PRMT7: variants seen among roughly 807,000 people sequenced by gnomAD.
PRMT7 encodes the protein protein arginine methyltransferase 7.
PRMT7 carries 75 observed loss-of-function variants against 85.4 expected under a neutral mutation model. That is an observed-to-expected ratio of 0.88 (90% CI 0.73 to 1.06). The LOEUF (loss-of-function observed/expected upper bound fraction) is 1.06, where lower values mean the gene tolerates loss of function less well. Ranked by LOEUF, PRMT7 falls within the 50% of genes least tolerant of loss-of-function variation. The probability of loss-of-function intolerance (pLI) is 0.00; values close to 1 mark genes in which losing one functional copy is unlikely to be tolerated. For missense variants in PRMT7, 868 were observed against 915.2 expected, an observed-to-expected ratio of 0.95 and a Z score of 0.67; for synonymous variants, 397 against 359.5, an observed-to-expected ratio of 1.10 and a Z score of -1.18.
At chr16:68,311,136 T>C in intron 1 of PRMT7, 37 bp downstream of exon 1, 1 of 667,296 alleles carries the variant, frequency 1.5e-6, no homozygotes, top group Non-Finnish European at 2.7e-6. Context: ...TGGGGTCGCT[T>C]TGGGGTTCTG....
chr16:68,347,645 G>A lies in PRMT7; in HGVS notation c.1290G>A (p.Glu430=). ...GTTCCCTCTAGGTGTTTACAGTCGAGAGTTCAGCAGCTTCTCACAAACTGT... is the reference window on the plus strand; with the variant it reads ...GTTCCCTCTAGGTGTTTACAGTCGAAAGTTCAGCAGCTTCTCACAAACTGT... The part of the protein sequence containing the change: ...HLGVEQVFTV[E]SSAASHKLLR... Residue 430 remains glutamate, a synonymous_variant, in exon 13 of 19, where the codon GAG becomes GAA. Coordinates refer to ENST00000441236, the MANE Select transcript of PRMT7 (RefSeq NM_019023.5). 6.2e-7 allele frequency: 1 copy of A among 1,613,954 alleles called. No individual in the cohort carries two copies. Among genetic ancestry groups the A allele is most frequent in the Non-Finnish European group, 8.5e-7 (1 of 1,179,844 alleles).
intron 1 of PRMT7, chr16:68,311,329 T>A (rs1187365607): frequency 3.2e-6 from 1 of 310,410 alleles, no homozygotes; most frequent in Non-Finnish European, 6.2e-6. Flanking sequence ...TCTGTCGCAG[T>A]ACTCGTGCCT....
chr16:68,337,444 T>G lies in PRMT7; in HGVS notation c.392-15T>G. On this transcript the variant is annotated splice_polypyrimidine_tract_variant and intron_variant, in intron 6 of 18. Coordinates refer to ENST00000441236, the MANE Select transcript of PRMT7 (RefSeq NM_019023.5). The stretch of plus-strand genomic sequence containing the variant: ...CTGTTGCTTATGTCCAACTCTGTTT[T>G]CTTGTGTTTTTCAGAGGGTGACATG... 1 of 1,582,698 alleles carries G rather than the reference T, an allele frequency of 6.3e-7. No individual in the cohort carries two copies. Among genetic ancestry groups the G allele is most frequent in the Non-Finnish European group, 8.6e-7 (1 of 1,157,098 alleles).
chr16:68,314,792 C>T (rs887908168), intron 2 of PRMT7, among the ~76,000 whole-genome samples: 9 of 152,162 alleles, frequency 5.9e-5, no homozygotes, highest in East Asian at 1.9e-4. Flanking sequence ...AGACTTTGAG[C>T]GGTGGTGTTT....
At chr16:68,314,709 G>C (rs2044449817) in intron 2 of PRMT7, among the ~76,000 whole-genome samples, 1 of 152,196 alleles carries the variant, frequency 6.6e-6, no homozygotes, top group South Asian at 2.1e-4. Context: ...GGGCAGTGTA[G>C]AACACCTATT....
intron 3 of PRMT7, among the ~76,000 whole-genome samples, chr16:68,320,015 GC>G (rs2082310820): frequency 6.6e-6 from 1 of 152,164 alleles, no homozygotes; most frequent in African/African-American, 2.4e-5. Flanking sequence ...AAGTGAACGT[GC>G]CCAGTGGGGT....
At chr16:68,324,871 A>G (rs1208857677) in intron 5 of PRMT7, 39 bp downstream of exon 5, 12 of 1,610,262 alleles carry the variant, frequency 7.5e-6, no homozygotes, top group Non-Finnish European at 8.5e-6. Flanking sequence ...TGCATCTTGC[A>G]TGGGAAATCC....
chr16:68,331,560 TG>T (rs1283933736), intron 6 of PRMT7, among the ~76,000 whole-genome samples: 2 of 151,516 alleles, frequency 1.3e-5, no homozygotes, highest in Non-Finnish European at 2.9e-5. Context: ...TTTGACCTCC[TG>T]GGCTCAAGCA....
At chr16:68,349,572 T>C (rs2086964435) in intron 14 of PRMT7, among the ~76,000 whole-genome samples, 1 of 152,118 alleles carries the variant, frequency 6.6e-6, no homozygotes, top group African/African-American at 2.4e-5. Context: ...AGTAAATATA[T>C]GGAGTTAGCC....
At position 68,357,044 on chromosome 16, in the gene PRMT7, C is replaced by G. The variant is rs901467067; in HGVS notation, c.1909-10C>G. On this transcript the variant is annotated splice_polypyrimidine_tract_variant and intron_variant, in intron 18 of 18. Transcript: ENST00000441236. ...GAGCCCTCACCATCTTCCTGCTCTT[C>G]TTCCTACAGGGGGGCTGCTGCTGGA... The G allele has an allele frequency of 2.5e-6, 4 of 1,597,198 alleles. No individual in the cohort carries two copies. Among genetic ancestry groups the G allele is most frequent in the Non-Finnish European group, 3.4e-6 (4 of 1,170,910 alleles).
rs1362186084 is a variant in PRMT7 at position 68,311,056 on chromosome 16, A to G, written c.-262A>G. 8.1e-6 allele frequency: 7 copies of G among 861,722 alleles called. No individual in the cohort carries two copies. Among genetic ancestry groups the G allele is most frequent in the Admixed American group, 2.0e-5 (1 of 49,756 alleles). The allele number at this position is 861,722 out of a possible 1,614,324, so 53.4% of individuals were successfully genotyped here. ...TCCCGCCCCGCGTGCTGGCCGCGGT[A>G]AAAGTGGTAGCAGCGGAGGCGAGCG... On this transcript the variant is annotated 5_prime_UTR_variant, in exon 1 of 19. Coordinates refer to ENST00000441236, the MANE Select transcript of PRMT7 (RefSeq NM_019023.5).
At chr16:68,343,930 T>C (rs62058163) in intron 9 of PRMT7, among the ~76,000 whole-genome samples, 185 of 152,332 alleles carry the variant, frequency 1.2e-3, no homozygotes, top group Non-Finnish European at 2.3e-3. Flanking sequence ...GGTGACAGAA[T>C]GAGCAGGCAG....
chr16:68,313,424 A>G (rs565246213), intron 2 of PRMT7, among the ~76,000 whole-genome samples: 1 of 152,326 alleles, frequency 6.6e-6, no homozygotes, highest in Admixed American at 6.5e-5. Flanking sequence ...TATGGATCCT[A>G]TTGATATGTT....
chr16:68,311,342 C>A (rs1204326657), intron 1 of PRMT7: 5 of 296,614 alleles, frequency 1.7e-5, no homozygotes, highest in Non-Finnish European at 3.3e-5. Flanking sequence ...TCGTGCCTGG[C>A]GCCTCCCCTC....
intron 7 of PRMT7, 115 bp from the exon 8 acceptor site, chr16:68,339,207 T>C: frequency 7.4e-7 from 1 of 1,350,638 alleles, no homozygotes; most frequent in Non-Finnish European, 1.0e-6. Flanking sequence ...GTATAAGGTG[T>C]TGGGCATTAC....
At chr16:68,316,480 T>C (rs1022853042) in intron 3 of PRMT7, among the ~76,000 whole-genome samples, 1 of 152,152 alleles carries the variant, frequency 6.6e-6, no homozygotes, top group Admixed American at 6.5e-5. Context: ...GTATGTGAGT[T>C]GTTGGCCAGG....
intron 14 of PRMT7, among the ~76,000 whole-genome samples, chr16:68,351,234 C>T (rs1202026407): frequency 1.3e-5 from 2 of 152,194 alleles, no homozygotes; most frequent in African/African-American, 4.8e-5. Flanking sequence ...CCTGCTGCAT[C>T]TCCATCATCT....
At chr16:68,356,508 G>A (rs538430984) in intron 17 of PRMT7, among the ~76,000 whole-genome samples, 193 bp from the exon 18 acceptor site, 2 of 152,392 alleles carry the variant, frequency 1.3e-5, no homozygotes, top group South Asian at 4.1e-4. Flanking sequence ...TGGCTCAGGT[G>A]GGGGCTTGGC....
At chr16:68,318,383 T>C (rs1339088036) in intron 3 of PRMT7, among the ~76,000 whole-genome samples, 3 of 152,106 alleles carry the variant, frequency 2.0e-5, no homozygotes, top group Admixed American at 6.5e-5. Flanking sequence ...GTATTTTTAA[T>C]AGAGACGGGG....
Sources: allele counts gnomAD v4.1 joint callset (sites outside exome capture counted in the v4.1 genomes callset), GRCh38; gene constraint gnomAD v4.1.1; transcripts MANE v1.5; gene names NCBI Gene and HGNC (gene_info 2026-07-23, HGNC 2026-07-21).